Variants in USH2A observed in about 807,000 individuals in gnomAD.
USH2A encodes Usher syndrome 2A (autosomal recessive, mild).
USH2A carries 443 observed loss-of-function variants against 538.9 expected under a neutral mutation model. That is an observed-to-expected ratio of 0.82 (90% CI 0.76 to 0.89). The LOEUF (loss-of-function observed/expected upper bound fraction) is 0.89, where lower values mean the gene tolerates loss of function less well. Ranked by LOEUF, USH2A falls within the 40% of genes least tolerant of loss-of-function variation. The pLI, the probability that USH2A is intolerant of heterozygous loss-of-function variation, is 0.00. For missense variants in USH2A, 6,633 were observed against 6,324.8 expected, an observed-to-expected ratio of 1.05 and a Z score of -1.65; for synonymous variants, 2,413 against 2,273.5, an observed-to-expected ratio of 1.06 and a Z score of -1.75.
At chr1:216,012,915 A>T (rs1668611177) in intron 32 of USH2A, among the ~76,000 whole-genome samples, 1 of 152,100 alleles carries the variant, frequency 6.6e-6, no homozygotes, top group African/African-American at 2.4e-5. Context: ...TCTTCTGTCT[A>T]GTCATACTCC....
At chr1:216,186,965 T>C (rs1458565080) in intron 20 of USH2A, among the ~76,000 whole-genome samples, 3 of 151,836 alleles carry the variant, frequency 2.0e-5, no homozygotes, top group East Asian at 3.9e-4. Flanking sequence ...CTTATTACAC[T>C]CCCTCTTCTA....
intron 44 of USH2A, among the ~76,000 whole-genome samples, chr1:215,856,454 A>G (rs780032178): frequency 3.3e-5 from 5 of 152,194 alleles, no homozygotes; most frequent in Non-Finnish European, 4.4e-5. Flanking sequence ...AAAATACTCA[A>G]CATCACTAAT....
chr1:216,119,717 C>T (rs1026307488), intron 21 of USH2A, among the ~76,000 whole-genome samples: 1 of 152,144 alleles, frequency 6.6e-6, no homozygotes, highest in African/African-American at 2.4e-5. Flanking sequence ...TCTTCTCCTT[C>T]CAGACTACCT....
chr1:216,329,179 A>T (rs1372586739), intron 4 of USH2A, among the ~76,000 whole-genome samples: 1 of 152,164 alleles, frequency 6.6e-6, no homozygotes, highest in African/African-American at 2.4e-5. Flanking sequence ...AAATCTACTA[A>T]AACTTTGCAG....
chr1:216,120,065 G>C (rs1161159618), intron 21 of USH2A, among the ~76,000 whole-genome samples: 1 of 151,838 alleles, frequency 6.6e-6, no homozygotes, highest in Non-Finnish European at 1.5e-5. Flanking sequence ...CAAAAAAGCA[G>C]ATACATATTT....
chr1:216,294,104 T>A (rs1187736412), intron 9 of USH2A, among the ~76,000 whole-genome samples: 1 of 152,180 alleles, frequency 6.6e-6, no homozygotes, highest in South Asian at 2.1e-4. Context: ...TAAAAAAACC[T>A]GGATATATGT....
In USH2A at chr1:215,772,287, C is replaced by T. The variant is rs1335208877; in HGVS notation, c.10940-5499G>A. Among the ~76,000 whole-genome samples, 6 of 152,066 alleles carry T rather than the reference C, an allele frequency of 3.9e-5. No individual in the cohort carries two copies. The South Asian group carries it at 6.2e-4, about 16-fold the overall frequency. On this transcript the variant is annotated intron_variant, in intron 55 of 71. Coordinates refer to ENST00000307340, the MANE Select transcript of USH2A (RefSeq NM_206933.4). ...TCCAACTGTAACTTAATCCTGAAGT[C>T]GAAGAGTAGAAGGAGAAAAGAAAAC... is the stretch of plus-strand genomic sequence containing the variant.
At chr1:216,190,401 A>C in intron 19 of USH2A, 34 bp from the exon 20 acceptor site, 1 of 1,599,630 alleles carries the variant, frequency 6.3e-7, no homozygotes, top group Non-Finnish European at 8.5e-7. Context: ...GAAAGAAAGA[A>C]AGATAATAGG....
intron 14 of USH2A, among the ~76,000 whole-genome samples, chr1:216,222,678 C>T (rs1306397017): frequency 1.3e-5 from 2 of 152,064 alleles, no homozygotes; most frequent in African/African-American, 2.4e-5. Flanking sequence ...AAGGAAGGAG[C>T]CATGAGCTAA....
In USH2A at chr1:215,655,725, C is replaced by CTTTTTTTTTTTT. The variant is rs766225635; in HGVS notation, c.14134-4936_14134-4925dup. Reference sequence around the variant, plus strand: ...TGCTTCTGTTACTGTGCTAGTTATTCTTTTTTTTTTTTTTTTTTTTTTTTC... The same window carrying CTTTTTTTTTTTT: ...TGCTTCTGTTACTGTGCTAGTTATTCTTTTTTTTTTTTTTTTTTTTTTTTTTTTTTTTTTTTC... On this transcript the variant is annotated intron_variant, in intron 64 of 71. Transcript: ENST00000307340. 8.5e-4 allele frequency among the ~76,000 whole-genome samples: 82 copies of CTTTTTTTTTTTT among 96,192 alleles called. 1 individual carries two copies. In the South Asian group the frequency reaches 9.1e-3, roughly 11 times the overall value. The allele number at this position is 96,192 out of a possible 152,430, so 63.1% of individuals were successfully genotyped here.
Position 216,097,158 on chromosome 1 carries a change from T to C in USH2A, c.4683A>G (p.Ala1561=), listed in dbSNP as rs2102572831. The part of the protein sequence containing the change: ...KVPEGLIVFA[A]SPGNQEEYFA... ...AATACTCTTCCTGATTGCCAGGTGATGCTGCAAAGACAATCAAACCTTCAG... is the reference window on the plus strand; with the variant it reads ...AATACTCTTCCTGATTGCCAGGTGACGCTGCAAAGACAATCAAACCTTCAG... The change falls in exon 22 of 72, where the codon GCA becomes GCG. Residue 1561 remains alanine (A), a synonymous_variant. Coordinates refer to ENST00000307340, the MANE Select transcript of USH2A (RefSeq NM_206933.4). 8.7e-6 allele frequency: 14 copies of C among 1,614,170 alleles called. No individual in the cohort carries two copies. The highest frequency in any genetic ancestry group is 1.2e-5 in the Non-Finnish European group (14 of 1,180,006).
At chr1:216,064,536 G>T (rs1236584724) in intron 30 of USH2A, among the ~76,000 whole-genome samples, 1 of 151,306 alleles carries the variant, frequency 6.6e-6, no homozygotes, top group Non-Finnish European at 1.5e-5. Context: ...AAACTTATAA[G>T]AAAACAATGT....
At chr1:216,078,545 T>C (rs1430272109) in intron 26 of USH2A, among the ~76,000 whole-genome samples, 183 bp from the exon 27 acceptor site, 1 of 152,146 alleles carries the variant, frequency 6.6e-6, no homozygotes, top group Admixed American at 6.6e-5. Flanking sequence ...TTCTAGCTTA[T>C]AGTTGACATG....
chr1:215,866,722 G>C (rs1215114981), intron 44 of USH2A, among the ~76,000 whole-genome samples: 1 of 152,160 alleles, frequency 6.6e-6, no homozygotes, highest in Non-Finnish European at 1.5e-5. Context: ...GAGAGCAGGA[G>C]GCCCAAGAAC....
chr1:216,142,551 A>T (rs1325906382), intron 21 of USH2A, among the ~76,000 whole-genome samples: 2 of 152,138 alleles, frequency 1.3e-5, no homozygotes, highest in African/African-American at 2.4e-5. Flanking sequence ...TGTCTATCTA[A>T]TCTGGAGTGT....
At chr1:216,305,532 G>C (rs1409920428) in intron 9 of USH2A, among the ~76,000 whole-genome samples, 1 of 152,020 alleles carries the variant, frequency 6.6e-6, no homozygotes. Context: ...TAGGATGTGA[G>C]ATGCCTTTCT....
intron 47 of USH2A, among the ~76,000 whole-genome samples, chr1:215,835,991 G>T (rs1663468629): frequency 6.6e-6 from 1 of 151,668 alleles, no homozygotes; most frequent in Non-Finnish European, 1.5e-5. Flanking sequence ...AAAAATATTT[G>T]TCCTCTGTTA....
intron 35 of USH2A, among the ~76,000 whole-genome samples, chr1:215,975,524 G>A (rs543370722): frequency 6.6e-6 from 1 of 151,398 alleles, no homozygotes; most frequent in African/African-American, 2.4e-5. Flanking sequence ...GGTCTGGTTT[G>A]CTGCATAAGG....
chr1:216,221,107 G>C (rs1572063260), intron 14 of USH2A, among the ~76,000 whole-genome samples: 1 of 152,246 alleles, frequency 6.6e-6, no homozygotes. Flanking sequence ...AATTAATAGT[G>C]AATAAAGCAC....
Sources: allele counts gnomAD v4.1 joint callset (sites outside exome capture counted in the v4.1 genomes callset), GRCh38; gene constraint gnomAD v4.1.1; transcripts MANE v1.5; gene names NCBI Gene and HGNC (gene_info 2026-07-23, HGNC 2026-07-21).